Variants in FRMD4A observed in about 807,000 individuals in gnomAD.
FRMD4A encodes FERM domain-containing protein 4A.
Under a neutral mutation model 129.1 loss-of-function variants are expected in FRMD4A, and 29 were observed. The observed-to-expected ratio is 0.22, with a 90% CI of 0.17 to 0.31. FRMD4A has a LOEUF of 0.31. FRMD4A is among the 10% of genes least tolerant of loss of function. The pLI is 1.00. For missense variants in FRMD4A, 1,272 were observed against 1,375.8 expected, an observed-to-expected ratio of 0.92 and a Z score of 1.19; for synonymous variants, 634 against 571.6, an observed-to-expected ratio of 1.11 and a Z score of -1.56.
chr10:14,140,960 T>C (rs1052285799), intron 2 of FRMD4A, among the ~76,000 whole-genome samples: 4 of 151,982 alleles, frequency 2.6e-5, no homozygotes, highest in African/African-American at 7.3e-5. Context: ...CCAGCAATTG[T>C]AGAAGGACAG....
rs1161755667 is a variant in FRMD4A at position 13,900,982 on chromosome 10, G to A, written c.46-42070C>T. ...GCCAGGTACTGATTATGTGATTTACGTATAATAACTCAGTCTTCGCAACAG... is the reference window on the plus strand; with the variant it reads ...GCCAGGTACTGATTATGTGATTTACATATAATAACTCAGTCTTCGCAACAG... On this transcript the variant is annotated intron_variant, in intron 2 of 24. Coordinates refer to ENST00000357447, the MANE Select transcript of FRMD4A (RefSeq NM_018027.5). Among the ~76,000 whole-genome samples the A allele has an allele frequency of 3.3e-5, 5 of 152,314 alleles. 1 individual carries two copies. The highest frequency in any genetic ancestry group is 4.1e-4 in the South Asian group (2 of 4,826).
intron 2 of FRMD4A, among the ~76,000 whole-genome samples, chr10:14,185,286 A>G (rs1842051409): frequency 6.6e-6 from 1 of 151,948 alleles, no homozygotes; most frequent in African/African-American, 2.4e-5. Flanking sequence ...TTCCTGAGAG[A>G]TCCCAGCAGA....
intron 2 of FRMD4A, among the ~76,000 whole-genome samples, chr10:13,874,781 T>A (rs1196493821): frequency 6.6e-6 from 1 of 152,246 alleles, no homozygotes; most frequent in Non-Finnish European, 1.5e-5. Context: ...CACAGTAATG[T>A]TCACCACAAT....
intron 2 of FRMD4A, among the ~76,000 whole-genome samples, chr10:14,235,655 G>T (rs1010315244): frequency 6.6e-6 from 1 of 152,196 alleles, no homozygotes; most frequent in African/African-American, 2.4e-5. Flanking sequence ...CGGGTTCAGT[G>T]GGTGGGCTTC....
chr10:13,698,791 C>T (rs1353108518), intron 14 of FRMD4A, among the ~76,000 whole-genome samples: 1 of 152,172 alleles, frequency 6.6e-6, no homozygotes, highest in East Asian at 1.9e-4. Flanking sequence ...GCCTCCAATT[C>T]CCACATAGAG....
intron 9 of FRMD4A, among the ~76,000 whole-genome samples, chr10:13,743,453 T>C (rs2091123519): frequency 6.6e-6 from 1 of 151,728 alleles, no homozygotes; most frequent in South Asian, 2.1e-4. Flanking sequence ...CCTTTTTCCT[T>C]TGCAGCACTA....
intron 2 of FRMD4A, among the ~76,000 whole-genome samples, chr10:14,169,899 G>A (rs192735053): frequency 2.8e-4 from 42 of 152,254 alleles, no homozygotes; most frequent in Non-Finnish European, 5.4e-4. Flanking sequence ...ATCCCACTCA[G>A]GCTAACCATT....
intron 2 of FRMD4A, among the ~76,000 whole-genome samples, chr10:14,295,924 G>A (rs1225527330): frequency 2.0e-5 from 3 of 152,116 alleles, no homozygotes; most frequent in Non-Finnish European, 4.4e-5. Context: ...ATAAATGGGT[G>A]AAACGATCTT....
At chr10:13,891,397 T>G (rs1003553025) in intron 2 of FRMD4A, among the ~76,000 whole-genome samples, 3 of 152,198 alleles carry the variant, frequency 2.0e-5, no homozygotes, top group Admixed American at 6.5e-5. Flanking sequence ...CCAAGGAAAG[T>G]AGGTGTGTGT....
At chr10:13,823,217 C>T (rs542112728) in intron 3 of FRMD4A, among the ~76,000 whole-genome samples, 1 of 152,248 alleles carries the variant, frequency 6.6e-6, no homozygotes, top group East Asian at 1.9e-4. Flanking sequence ...GCCAGCCAGC[C>T]GGCTGGGGAG....
At chr10:13,791,695 A>C (rs2093004924) in intron 5 of FRMD4A, among the ~76,000 whole-genome samples, 1 of 152,052 alleles carries the variant, frequency 6.6e-6, no homozygotes, top group African/African-American at 2.4e-5. Flanking sequence ...ATGCCAAGGG[A>C]CATCTGTGAG....
intron 8 of FRMD4A, among the ~76,000 whole-genome samples, chr10:13,751,614 T>A (rs1240273394): frequency 6.6e-6 from 1 of 152,160 alleles, no homozygotes; most frequent in Non-Finnish European, 1.5e-5. Context: ...TCCCTCAATG[T>A]CTTCCACTTC....
Position 13,657,839 on chromosome 10 carries a change from C to G in FRMD4A, c.2067-317G>C, listed in dbSNP as rs116295850. ...ATAGACACAAAGAGAATCACAGAAT[C>G]CTTAGTATCATGTTAAACCAGATAG... is the stretch of plus-strand genomic sequence containing the variant. On this transcript the variant is annotated intron_variant, in intron 21 of 24. Coordinates refer to ENST00000357447, the MANE Select transcript of FRMD4A (RefSeq NM_018027.5). 6.7e-3 allele frequency among the ~76,000 whole-genome samples: 986 copies of G among 147,758 alleles called. 12 individuals carry two copies. The highest frequency in any genetic ancestry group is 0.023 in the African/African-American group (912 of 39,152).
At chr10:14,195,064 C>G (rs1016744708) in intron 2 of FRMD4A, among the ~76,000 whole-genome samples, 2 of 152,084 alleles carry the variant, frequency 1.3e-5, no homozygotes, top group Admixed American at 1.3e-4. Context: ...AATAGCAATT[C>G]TTATTCTCAG....
In FRMD4A at chr10:13,659,382, G is replaced by A. The variant is rs2082444746; in HGVS notation, c.2007C>T (p.Ser669=). ...GCAGGTCTGGCGTGGACGGCATGCTGGACTGGGAGTTCCAGTGCGGGAGGC... is the reference window on the plus strand; with the variant it reads ...GCAGGTCTGGCGTGGACGGCATGCTAGACTGGGAGTTCCAGTGCGGGAGGC... ...IRGLPHWNSQ[S]SMPSTPDLRV... The change falls in exon 21 of 25, where the codon TCC becomes TCT. Residue 669 remains serine, a synonymous_variant. Coordinates refer to ENST00000357447, the MANE Select transcript of FRMD4A (RefSeq NM_018027.5). 2 of 1,613,968 alleles carry A rather than the reference G, an allele frequency of 1.2e-6. No homozygotes were observed. Among genetic ancestry groups the A allele is most frequent in the Non-Finnish European group, 1.7e-6 (2 of 1,179,920 alleles).
At chr10:14,294,831 G>C (rs1313637314) in intron 2 of FRMD4A, among the ~76,000 whole-genome samples, 1 of 152,176 alleles carries the variant, frequency 6.6e-6, no homozygotes, top group Non-Finnish European at 1.5e-5. Flanking sequence ...GGTGGGCTCA[G>C]GTGTGAGGAG....
intron 2 of FRMD4A, among the ~76,000 whole-genome samples, chr10:14,009,311 G>A (rs2095672989): frequency 7.0e-6 from 1 of 143,696 alleles, no homozygotes. Flanking sequence ...GGTATGTTTG[G>A]GTTTTTTTTT....
chr10:14,297,050 C>A (rs78283357), intron 2 of FRMD4A, among the ~76,000 whole-genome samples: 4,561 of 152,166 alleles, frequency 0.03, 120 homozygotes, highest in Non-Finnish European at 0.031. Context: ...AAGATGAAAC[C>A]TATTTGTCAT....
At chr10:14,202,715 T>G (rs952261056) in intron 2 of FRMD4A, among the ~76,000 whole-genome samples, 1 of 152,184 alleles carries the variant, frequency 6.6e-6, no homozygotes, top group South Asian at 2.1e-4. Flanking sequence ...CTGGTTAGTT[T>G]TGACTTTAGG....
Sources: allele counts gnomAD v4.1 joint callset (sites outside exome capture counted in the v4.1 genomes callset), GRCh38; gene constraint gnomAD v4.1.1; transcripts MANE v1.5; gene names NCBI Gene and HGNC (gene_info 2026-07-23, HGNC 2026-07-21).